KCNH1: variants seen among roughly 807,000 people sequenced by gnomAD.
KCNH1 encodes potassium voltage-gated channel subfamily H member 1.
In KCNH1, 27 loss-of-function variants were observed where a neutral mutation model predicts 69.2. The observed-to-expected ratio is 0.39, with a 90% CI of 0.29 to 0.54. The LOEUF is 0.54. KCNH1 is among the 20% of genes least tolerant of loss of function. KCNH1 has a pLI of 0.68. For synonymous variants in KCNH1, 456 were observed against 487.7 expected (o/e 0.93, Z 0.86); for missense variants, 798 against 1,261.6 (o/e 0.63, Z 5.57).
rs901372750 is a variant in KCNH1 at position 210,849,896 on chromosome 1, G to T, written c.1463-45730C>A. Among the ~76,000 whole-genome samples, 5 of 151,918 alleles carry T rather than the reference G, an allele frequency of 3.3e-5. No homozygotes were observed. The East Asian group carries it at 9.6e-4, about 29-fold the overall frequency. On this transcript the variant is annotated intron_variant, in intron 7 of 10. Coordinates refer to ENST00000271751, the MANE Select transcript of KCNH1 (RefSeq NM_172362.3). Reference sequence around the variant, plus strand: ...GGAGCACATGGTAAACCACAGCACTGTGTGTCTTAGAAGGAACAATAAATA... The same window carrying T: ...GGAGCACATGGTAAACCACAGCACTTTGTGTCTTAGAAGGAACAATAAATA...
At chr1:211,054,843 A>G in intron 5 of KCNH1, among the ~76,000 whole-genome samples, 1 of 152,136 alleles carries the variant, frequency 6.6e-6, no homozygotes, top group East Asian at 1.9e-4. Context: ...AAGGGAGATA[A>G]AAAGGGAAAG....
intron 7 of KCNH1, among the ~76,000 whole-genome samples, chr1:210,824,328 T>C (rs1321020219): frequency 2.0e-5 from 3 of 151,252 alleles, no homozygotes; most frequent in Non-Finnish European, 2.9e-5. Context: ...CTACATAAGA[T>C]TATGTCTACA....
Position 210,884,295 on chromosome 1 carries a change from CA to C in KCNH1, c.1462+35344del, listed in dbSNP as rs552123847. On this transcript the variant is annotated intron_variant, in intron 7 of 10. Coordinates refer to ENST00000271751, the MANE Select transcript of KCNH1 (RefSeq NM_172362.3). The stretch of plus-strand genomic sequence containing the variant: ...ATCTACATCAAAGCAACCTCCTTCT[CA>C]AAAGAGCTTTGTTACTTGAGAGGAT... 3.4e-3 allele frequency among the ~76,000 whole-genome samples: 522 copies of C among 152,306 alleles called. 5 individuals carry two copies. The highest frequency in any genetic ancestry group is 0.011 in the African/African-American group (469 of 41,578).
At chr1:210,979,907 T>C (rs1558551318) in intron 6 of KCNH1, among the ~76,000 whole-genome samples, 1 of 152,214 alleles carries the variant, frequency 6.6e-6, no homozygotes, top group African/African-American at 2.4e-5. Flanking sequence ...GAAATCTAAA[T>C]TTTGAAATAT....
chr1:210,964,340 A>G (rs1688356468), intron 6 of KCNH1, among the ~76,000 whole-genome samples: 1 of 152,206 alleles, frequency 6.6e-6, no homozygotes, highest in Admixed American at 6.5e-5. Context: ...ATCATGCCAA[A>G]TTGTAAAGAC....
At chr1:210,828,090 T>C (rs1200047557) in intron 7 of KCNH1, among the ~76,000 whole-genome samples, 1 of 152,066 alleles carries the variant, frequency 6.6e-6, no homozygotes, top group Non-Finnish European at 1.5e-5. Flanking sequence ...TGATCCACTC[T>C]TCTCAGCCTC....
intron 7 of KCNH1, among the ~76,000 whole-genome samples, chr1:210,876,716 A>T (rs1686382550): frequency 2.6e-5 from 4 of 152,118 alleles, no homozygotes; most frequent in Admixed American, 2.6e-4. Context: ...AACCAGTGCA[A>T]TCCCTGTTCC....
chr1:210,836,385 T>G (rs1248097533), intron 7 of KCNH1, among the ~76,000 whole-genome samples: 1 of 152,188 alleles, frequency 6.6e-6, no homozygotes, highest in Non-Finnish European at 1.5e-5. Context: ...TTGAAAGTAA[T>G]CATTAAGCCT....
At chr1:211,124,892 A>G (rs1691751114) in intron 1 of KCNH1, among the ~76,000 whole-genome samples, 1 of 152,214 alleles carries the variant, frequency 6.6e-6, no homozygotes, top group Admixed American at 6.5e-5. Context: ...TCAAGCTTCC[A>G]AAGTGAAGTT....
intron 7 of KCNH1, among the ~76,000 whole-genome samples, chr1:210,819,415 G>C (rs1684881534): frequency 6.6e-6 from 1 of 152,142 alleles, no homozygotes; most frequent in African/African-American, 2.4e-5. Context: ...CTGGCCAACT[G>C]TCAGGAGGAG....
At chr1:210,835,037 AGAT>A (rs1246237655) in intron 7 of KCNH1, among the ~76,000 whole-genome samples, 1 of 152,180 alleles carries the variant, frequency 6.6e-6, no homozygotes, top group African/African-American at 2.4e-5. Flanking sequence ...AGCCTTCTGA[AGAT>A]AGGAGAGAAC....
intron 7 of KCNH1, among the ~76,000 whole-genome samples, chr1:210,842,967 C>T (rs1191758178): frequency 6.6e-6 from 1 of 152,184 alleles, no homozygotes; most frequent in Non-Finnish European, 1.5e-5. Flanking sequence ...TGCCCCACCA[C>T]CCACATTTCC....
chr1:210,680,323 G>T lies in KCNH1; in HGVS notation c.*2958C>A, dbSNP rs1231958038. 6.6e-6 allele frequency: 1 copy of T among 151,694 alleles called. No homozygotes were observed. Among genetic ancestry groups the T allele is most frequent in the African/African-American group, 2.4e-5 (1 of 41,366 alleles). The allele number at this position is 151,694 out of a possible 1,614,324, so 9.4% of individuals were successfully genotyped here. On this transcript the variant is annotated 3_prime_UTR_variant, in exon 11 of 11. Transcript: ENST00000271751. Reference sequence around the variant, plus strand: ...GACATTCAAAGTAAAGAATTTAGTAGAAATCAAATAACCAGCACTTACTAG... The same window carrying T: ...GACATTCAAAGTAAAGAATTTAGTATAAATCAAATAACCAGCACTTACTAG...
intron 6 of KCNH1, among the ~76,000 whole-genome samples, chr1:210,984,854 G>A (rs1330698742): frequency 1.3e-5 from 2 of 152,182 alleles, no homozygotes; most frequent in Non-Finnish European, 2.9e-5. Flanking sequence ...GTTTCAGAAG[G>A]AATGGTACCA....
At chr1:211,038,601 G>A (rs1482028555) in intron 5 of KCNH1, among the ~76,000 whole-genome samples, 2 of 152,176 alleles carry the variant, frequency 1.3e-5, no homozygotes, top group Non-Finnish European at 1.5e-5. Flanking sequence ...ATAGTGATAT[G>A]GACAATAAGA....
Position 210,811,136 on chromosome 1 carries a change from T to C in KCNH1, c.1463-6970A>G, listed in dbSNP as rs571847450. Among the ~76,000 whole-genome samples, 214 of 152,214 alleles carry C rather than the reference T, an allele frequency of 1.4e-3. 1 individual carries two copies. Among genetic ancestry groups the C allele is most frequent in the Non-Finnish European group, 2.6e-3 (176 of 68,030 alleles). Reference sequence around the variant, plus strand: ...GTTCCCCTTAATTCTTATTTTCATATACTACCTCTGTTTCACTGTGCCTGT... The same window carrying C: ...GTTCCCCTTAATTCTTATTTTCATACACTACCTCTGTTTCACTGTGCCTGT... On this transcript the variant is annotated intron_variant, in intron 7 of 10. Transcript: ENST00000271751.
intron 10 of KCNH1, among the ~76,000 whole-genome samples, chr1:210,750,405 C>T (rs1683256941): frequency 6.6e-6 from 1 of 152,112 alleles, no homozygotes; most frequent in Admixed American, 6.5e-5. Flanking sequence ...TCAATAGACT[C>T]AGCTGCATCG....
At chr1:210,799,878 TCAG>T in intron 8 of KCNH1, among the ~76,000 whole-genome samples, 1 of 152,142 alleles carries the variant, frequency 6.6e-6, no homozygotes, top group South Asian at 2.1e-4. Flanking sequence ...CCCCACCCCC[TCAG>T]GTGCCCCTGT....
At chr1:210,751,407 G>C (rs1268441462) in intron 10 of KCNH1, among the ~76,000 whole-genome samples, 1 of 152,170 alleles carries the variant, frequency 6.6e-6, no homozygotes, top group Non-Finnish European at 1.5e-5. Flanking sequence ...AGAAGATAGA[G>C]CCTGGACATA....
Sources: gnomAD v4.1 joint callset for allele counts (sites outside exome capture counted in the v4.1 genomes callset) on GRCh38, gnomAD v4.1.1 for gene constraint, MANE v1.5 for transcripts, NCBI Gene and HGNC (gene_info 2026-07-23, HGNC 2026-07-21) for gene names.